The following NT5C3A variants were observed in gnomAD, a reference collection of about 807,000 sequenced individuals.
The protein encoded by NT5C3A is 5'-nucleotidase, cytosolic IIIA.
NT5C3A carries 23 observed loss-of-function variants against 40.0 expected under a neutral mutation model. The ratio of observed to expected loss-of-function variants is 0.58; its 90% CI spans 0.41 to 0.81. NT5C3A has a LOEUF of 0.81. Ranked by LOEUF, NT5C3A falls within the 40% of genes least tolerant of loss-of-function variation. NT5C3A has a pLI of 0.00. For missense variants in NT5C3A, 328 were observed against 403.0 expected (o/e 0.81, Z 1.59); for synonymous variants, 130 against 141.4 (o/e 0.92, Z 0.57).
chr7:33,021,229 T>C, intron 5 of NT5C3A, 43 bp downstream of exon 5: 2 of 1,607,934 alleles, frequency 1.2e-6, no homozygotes, highest in Non-Finnish European at 1.7e-6. Context: ...AGTGTTGTTT[T>C]ATTATTTTTT....
chr7:33,040,931 C>G (rs1456269939), intron 1 of NT5C3A: 3 of 985,312 alleles, frequency 3.0e-6, no homozygotes, highest in African/African-American at 1.7e-5. Context: ...CTGAGAAGTA[C>G]TAATATAGCA....
chr7:33,032,514 T>C (rs567239799), intron 1 of NT5C3A, among the ~76,000 whole-genome samples: 1 of 151,712 alleles, frequency 6.6e-6, no homozygotes, highest in South Asian at 2.1e-4. Flanking sequence ...TGGAGGGCAG[T>C]GGCGTGATCT....
chr7:33,025,669 C>T (rs748463888), intron 2 of NT5C3A, among the ~76,000 whole-genome samples: 1 of 152,170 alleles, frequency 6.6e-6, no homozygotes, highest in African/African-American at 2.4e-5. Flanking sequence ...TGCTTGTACA[C>T]AGCATGAGTT....
At chr7:33,057,785 T>C (rs943836653) in intron 1 of NT5C3A, among the ~76,000 whole-genome samples, 16 of 152,226 alleles carry the variant, frequency 1.1e-4, no homozygotes, top group African/African-American at 3.6e-4. Context: ...CGTTGAGAGA[T>C]ATATTTAAAT....
intron 1 of NT5C3A, among the ~76,000 whole-genome samples, chr7:33,032,655 T>C (rs1404639574): frequency 4.0e-5 from 6 of 151,728 alleles, no homozygotes; most frequent in African/African-American, 4.8e-5. Flanking sequence ...CAGGGTTTTG[T>C]AGTGTTGCCC....
intron 1 of NT5C3A, among the ~76,000 whole-genome samples, chr7:33,046,553 A>G (rs551867441): frequency 1.3e-5 from 2 of 152,150 alleles, no homozygotes; most frequent in Admixed American, 1.3e-4. Context: ...AATTGCAAAA[A>G]TCTAGATCAA....
chr7:33,050,051 T>C (rs1160649833), intron 1 of NT5C3A, among the ~76,000 whole-genome samples: 1 of 151,864 alleles, frequency 6.6e-6, no homozygotes, highest in Non-Finnish European at 1.5e-5. Context: ...AGGGAAACTT[T>C]ATCCAAAAGC....
At chr7:33,038,061 T>C (rs1786707319) in intron 1 of NT5C3A, among the ~76,000 whole-genome samples, 1 of 152,170 alleles carries the variant, frequency 6.6e-6, no homozygotes, top group Non-Finnish European at 1.5e-5. Context: ...GCCTAATTAT[T>C]AAATGCTTAC....
chr7:33,016,539 C>T (rs571358282), intron 7 of NT5C3A, among the ~76,000 whole-genome samples: 49 of 151,316 alleles, frequency 3.2e-4, no homozygotes, highest in Non-Finnish European at 6.0e-4. Context: ...CTTGGTGGCA[C>T]GCACCTGTAA....
chr7:33,041,055 C>T (rs1786890079), intron 1 of NT5C3A: 2 of 985,398 alleles, frequency 2.0e-6, no homozygotes, highest in Non-Finnish European at 2.4e-6. Context: ...CTCGCTAGCT[C>T]TGAGCTAGTC....
intron 6 of NT5C3A, among the ~76,000 whole-genome samples, 187 bp from the exon 7 acceptor site, chr7:33,017,788 C>T (rs1785418290): frequency 6.6e-6 from 1 of 152,232 alleles, no homozygotes; most frequent in African/African-American, 2.4e-5. Context: ...ACAGTTAACT[C>T]TTTACTTTCC....
At position 33,029,568 on chromosome 7, in the gene NT5C3A, T is replaced by C. The variant is rs999614271; in HGVS notation, c.139-2653A>G. ...TGAAAGCAACACAGGATATATATCA[T>C]AGACTATTTTTTCACCAAAAAAATT... On this transcript the variant is annotated intron_variant, in intron 1 of 8. Coordinates refer to ENST00000610140, the MANE Select transcript of NT5C3A (RefSeq NM_001002010.5). The C allele has an allele frequency of 7.0e-6, 6 of 862,006 alleles. 1 individual carries two copies. The highest frequency in any genetic ancestry group is 6.9e-5 in the African/African-American group (4 of 57,608). The allele number at this position is 862,006 out of a possible 1,614,324, so 53.4% of individuals were successfully genotyped here. A position where few individuals can be genotyped will look rare whatever the true frequency, so the allele number is the denominator to read the frequency against.
intron 1 of NT5C3A, chr7:33,036,458 CT>C (rs199569689): frequency 0.021 from 3,287 of 158,768 alleles, 70 homozygotes; most frequent in East Asian, 0.15. Context: ...CATAAAGCAT[CT>C]TTTTTTTTTT....
At chr7:33,062,048 G>A (rs950132900) in intron 1 of NT5C3A, among the ~76,000 whole-genome samples, 3 of 152,174 alleles carry the variant, frequency 2.0e-5, no homozygotes, top group Admixed American at 6.5e-5. Context: ...CTCCTGGATT[G>A]CCATTCTTGT....
chr7:33,046,784 T>C (rs546895483), intron 1 of NT5C3A, among the ~76,000 whole-genome samples: 2 of 152,008 alleles, frequency 1.3e-5, no homozygotes, highest in East Asian at 1.9e-4. Flanking sequence ...TGTTTGAATA[T>C]TTCAAGATGC....
At chr7:33,057,395 G>A (rs1035224338) in intron 1 of NT5C3A, among the ~76,000 whole-genome samples, 3 of 152,044 alleles carry the variant, frequency 2.0e-5, no homozygotes, top group African/African-American at 4.8e-5. Context: ...GTGGTGGTGC[G>A]TGCTTTAGTC....
rs752293475 is a variant in NT5C3A at position 33,017,538 on chromosome 7, C to T, written c.594G>A (p.Ser198=). The T allele has an allele frequency of 2.0e-5, 33 of 1,613,560 alleles. No homozygotes were observed. The East Asian group carries it at 4.0e-4, about 20-fold the overall frequency. ...CCTCTAGTACATCGCCGATTCCAGC[C>T]GAAAATATGAACACGGGGATGCTAT... ...QQHSIPVFIF[S]AGIGDVLEEV... The change falls in exon 7 of 9, where the codon TCG becomes TCA. Residue 198 remains serine, a synonymous_variant. Coordinates refer to ENST00000610140, the MANE Select transcript of NT5C3A (RefSeq NM_001002010.5).
chr7:33,050,805 A>C (rs1354069151), intron 1 of NT5C3A, among the ~76,000 whole-genome samples: 1 of 152,252 alleles, frequency 6.6e-6, no homozygotes, highest in East Asian at 1.9e-4. Flanking sequence ...CTTGGTTTAA[A>C]TTGTATAGAT....
At chr7:33,058,070 C>T (rs1787636420) in intron 1 of NT5C3A, among the ~76,000 whole-genome samples, 2 of 152,050 alleles carry the variant, frequency 1.3e-5, no homozygotes, top group African/African-American at 4.8e-5. Context: ...GTCTCATCCT[C>T]TTTTTGGTAG....
Sources: allele counts gnomAD v4.1 joint callset (sites outside exome capture counted in the v4.1 genomes callset), GRCh38; gene constraint gnomAD v4.1.1; transcripts MANE v1.5; gene names NCBI Gene and HGNC (gene_info 2026-07-23, HGNC 2026-07-21).